Variants in INSYN2B observed in about 807,000 individuals in gnomAD.
INSYN2B encodes protein INSYN2B.
Under a neutral mutation model 41.2 loss-of-function variants are expected in INSYN2B, and 16 were observed. The observed-to-expected ratio is 0.39, with a 90% CI of 0.26 to 0.59. The LOEUF is 0.59. INSYN2B is among the 20% of genes least tolerant of loss of function. INSYN2B has a pLI of 0.57. For synonymous variants in INSYN2B, 245 were observed against 244.4 expected (o/e 1.00, Z -0.02); for missense variants, 608 against 646.4 (o/e 0.94, Z 0.64).
In INSYN2B at chr5:169,895,824, C is replaced by G. The variant is rs183925886; in HGVS notation, c.-918-11008G>C. On this transcript the variant is annotated intron_variant, in intron 1 of 3. Coordinates refer to ENST00000377365, the MANE Select transcript of INSYN2B (RefSeq NM_001129891.3). ...TTTCCTCATTTGAAAATGAAAGGAG[C>G]ATTTGGCTCACATAACGCAGTGCCT... Among the ~76,000 whole-genome samples, 3 of 152,302 alleles carry G rather than the reference C, an allele frequency of 2.0e-5. No homozygotes were observed. The East Asian group carries it at 5.8e-4, about 29-fold the overall frequency.
intron 1 of INSYN2B, among the ~76,000 whole-genome samples, chr5:169,938,892 CTTTCTTTTTTTTCT>C (rs1366792504): frequency 6.7e-6 from 1 of 149,032 alleles, no homozygotes; most frequent in Admixed American, 6.9e-5. Flanking sequence ...AAGCATTTTT[CTTTCTTTTTTTTCT>C]TTTCTTTTTT....
rs1200362059 is a variant in INSYN2B at position 169,883,485 on chromosome 5, G to A, written c.414C>T (p.Leu138=). Residue 138 remains leucine (L), a synonymous_variant, in exon 2 of 4, where the codon CTC becomes CTT. Transcript: ENST00000377365. ...SQSAIQVNGN[L]SEQDIVSSDL... ...CAGAAGACACAATGTCCTGTTCAGA[G>A]AGGTTACCGTTGACCTGGATGGCAC... The A allele has an allele frequency of 6.4e-7, 1 of 1,551,690 alleles. No individual in the cohort carries two copies. The highest frequency in any genetic ancestry group is 2.4e-5 in the East Asian group (1 of 40,924).
rs148486079 is a variant in INSYN2B at position 169,869,953 on chromosome 5, G to C, written c.1422-5494C>G. On this transcript the variant is annotated intron_variant, in intron 3 of 3. Coordinates refer to ENST00000377365, the MANE Select transcript of INSYN2B (RefSeq NM_001129891.3). ...AAGATAGGTGCAGAGTGCTGAGTTT[G>C]CAGAACCCTGGCTTACAGTGGAGGG... 1.2e-4 allele frequency among the ~76,000 whole-genome samples: 19 copies of C among 152,326 alleles called. 1 individual carries two copies. The East Asian group carries it at 3.7e-3, about 29-fold the overall frequency.
chr5:169,910,839 C>T (rs373042957), intron 1 of INSYN2B, among the ~76,000 whole-genome samples: 1 of 152,202 alleles, frequency 6.6e-6, no homozygotes, highest in South Asian at 2.1e-4. Flanking sequence ...CTCCAGCCCC[C>T]AGTAGGCTCT....
At chr5:169,959,655 G>A (rs1056261380) in intron 1 of INSYN2B, among the ~76,000 whole-genome samples, 1 of 152,138 alleles carries the variant, frequency 6.6e-6, no homozygotes. Context: ...TTGGACTAAA[G>A]GACTTTAGGG....
chr5:169,905,954 T>A (rs561792769), intron 1 of INSYN2B, among the ~76,000 whole-genome samples: 522 of 152,350 alleles, frequency 3.4e-3, no homozygotes, highest in Non-Finnish European at 3.1e-3. Flanking sequence ...TCTGTTGCCT[T>A]CGTTCAGAAA....
At chr5:169,963,623 G>A (rs190239827) in intron 1 of INSYN2B, among the ~76,000 whole-genome samples, 50 of 152,314 alleles carry the variant, frequency 3.3e-4, no homozygotes, top group African/African-American at 9.9e-4. Context: ...CAAAGCAGGA[G>A]TTACTGATCT....
chr5:169,938,585 C>T (rs890877355), intron 1 of INSYN2B, among the ~76,000 whole-genome samples: 1 of 152,192 alleles, frequency 6.6e-6, no homozygotes, highest in Non-Finnish European at 1.5e-5. Flanking sequence ...AGGACACTTG[C>T]CATGAATGGA....
intron 1 of INSYN2B, among the ~76,000 whole-genome samples, chr5:169,918,701 TC>T (rs1307782163): frequency 1.3e-5 from 2 of 152,204 alleles, no homozygotes; most frequent in Non-Finnish European, 2.9e-5. Flanking sequence ...TCACCTGAGT[TC>T]AGGGGTTTGA....
intron 3 of INSYN2B, among the ~76,000 whole-genome samples, chr5:169,869,733 G>A (rs1307715978): frequency 6.6e-6 from 1 of 152,208 alleles, no homozygotes; most frequent in African/African-American, 2.4e-5. Context: ...TCTTAGCAGA[G>A]CGTTGTTTGC....
intron 1 of INSYN2B, among the ~76,000 whole-genome samples, chr5:169,899,075 C>T (rs1773777145): frequency 6.6e-6 from 1 of 152,078 alleles, no homozygotes; most frequent in South Asian, 2.1e-4. Flanking sequence ...TGCAAGATGG[C>T]AAGTAAAAGG....
intron 1 of INSYN2B, among the ~76,000 whole-genome samples, chr5:169,930,677 A>G (rs1056592713): frequency 2.6e-5 from 4 of 152,208 alleles, no homozygotes; most frequent in African/African-American, 4.8e-5. Context: ...TTGTAATTTT[A>G]CCTTGAATTA....
At chr5:169,968,759 A>T (rs1234616336) in intron 1 of INSYN2B, among the ~76,000 whole-genome samples, 3 of 152,196 alleles carry the variant, frequency 2.0e-5, no homozygotes, top group Admixed American at 2.0e-4. Flanking sequence ...GTTAATGGTG[A>T]TGAGCAAAAT....
chr5:169,881,257 A>T, intron 3 of INSYN2B, 111 bp downstream of exon 3: 1 of 843,326 alleles, frequency 1.2e-6, no homozygotes, highest in Non-Finnish European at 1.9e-6. Context: ...TCATAGTTAA[A>T]TACCTTGTTT....
chr5:169,954,449 C>G, intron 1 of INSYN2B, among the ~76,000 whole-genome samples: 2 of 152,148 alleles, frequency 1.3e-5, no homozygotes, highest in East Asian at 3.9e-4. Flanking sequence ...AATGTGTTTT[C>G]AGACCTCAGG....
intron 1 of INSYN2B, among the ~76,000 whole-genome samples, chr5:169,947,966 A>G (rs1455540545): frequency 6.6e-6 from 1 of 152,178 alleles, no homozygotes; most frequent in Non-Finnish European, 1.5e-5. Context: ...GGGTCCTTGC[A>G]ATTGCCAGAA....
At chr5:169,927,077 A>G (rs11951138) in intron 1 of INSYN2B, among the ~76,000 whole-genome samples, 14,697 of 152,234 alleles carry the variant, frequency 0.097, 1,070 homozygotes, top group African/African-American at 0.21. Flanking sequence ...TTCTTCATAA[A>G]TATGCTACAT....
At chr5:169,937,666 A>C (rs1172404815) in intron 1 of INSYN2B, among the ~76,000 whole-genome samples, 2 of 152,228 alleles carry the variant, frequency 1.3e-5, no homozygotes, top group Admixed American at 6.5e-5. Context: ...AAATGGATAA[A>C]GAGTATTTAT....
chr5:169,941,360 C>T lies in INSYN2B; in HGVS notation c.-919+38917G>A, dbSNP rs1433940603. ...GTAGCTGGGATTACAGGCCTGTGCCCCCAGGCCCAGCTAATTTTGTATTTT... is the reference window on the plus strand; with the variant it reads ...GTAGCTGGGATTACAGGCCTGTGCCTCCAGGCCCAGCTAATTTTGTATTTT... On this transcript the variant is annotated intron_variant, in intron 1 of 3. Transcript: ENST00000377365. Among the ~76,000 whole-genome samples, 10 of 152,036 alleles carry T rather than the reference C, an allele frequency of 6.6e-5. 1 individual carries two copies. In the East Asian group the frequency reaches 1.9e-3, roughly 29 times the overall value.
Sources: gnomAD v4.1 joint callset for allele counts (sites outside exome capture counted in the v4.1 genomes callset) on GRCh38, gnomAD v4.1.1 for gene constraint, MANE v1.5 for transcripts, NCBI Gene and HGNC (gene_info 2026-07-23, HGNC 2026-07-21) for gene names.